ANKRD18A: variants seen among roughly 807,000 people sequenced by gnomAD.
The protein encoded by ANKRD18A is ankyrin repeat domain-containing protein 18A.
Under a neutral mutation model 110.6 loss-of-function variants are expected in ANKRD18A, and 72 were observed. That is an observed-to-expected ratio of 0.65 (90% CI 0.54 to 0.79). The LOEUF is 0.79. Among genes scored for constraint, ANKRD18A ranks in the 30% least tolerant of loss-of-function variants. The pLI, the probability that ANKRD18A is intolerant of heterozygous loss-of-function variation, is 0.00. For synonymous variants in ANKRD18A, 305 were observed against 410.3 expected, an observed-to-expected ratio of 0.74 and a Z score of 3.10; for missense variants, 934 against 1,163.3, an observed-to-expected ratio of 0.80 and a Z score of 2.87.
At chr9:38,569,347 C>A, downstream of ANKRD18A, 1 of 985,026 alleles carries the variant, frequency 1.0e-6, no homozygotes, top group Middle Eastern at 5.2e-4. Context: ...ACCACCCACC[C>A]GATAGCGACT....
chr9:38,581,020 A>C (rs2118681389), intron 12 of ANKRD18A, among the ~76,000 whole-genome samples: 1 of 152,326 alleles, frequency 6.6e-6, no homozygotes, highest in South Asian at 2.1e-4. Flanking sequence ...CAGATGATTC[A>C]ATTTCTCCAA....
chr9:38,607,265 C>T (rs1001571960), intron 6 of ANKRD18A, among the ~76,000 whole-genome samples, 161 bp downstream of exon 6: 1 of 152,150 alleles, frequency 6.6e-6, no homozygotes, highest in African/African-American at 2.4e-5. Flanking sequence ...CCATGTTAGC[C>T]AGGCTGGTCT....
At chr9:38,597,538 A>G (rs1437979435) in intron 8 of ANKRD18A, among the ~76,000 whole-genome samples, 1 of 152,146 alleles carries the variant, frequency 6.6e-6, no homozygotes, top group Non-Finnish European at 1.5e-5. Flanking sequence ...AATATTAAGT[A>G]ACTCACCCAA....
chr9:38,598,292 C>T (rs1457998661), intron 8 of ANKRD18A, among the ~76,000 whole-genome samples: 1 of 152,104 alleles, frequency 6.6e-6, no homozygotes, highest in African/African-American at 2.4e-5. Flanking sequence ...AATAATTTTC[C>T]CAGCCCATAT....
intron 12 of ANKRD18A, among the ~76,000 whole-genome samples, chr9:38,581,642 G>A (rs1824168787): frequency 6.6e-6 from 1 of 152,168 alleles, no homozygotes; most frequent in African/African-American, 2.4e-5. Context: ...TACTTTGAGT[G>A]TTAAGACATC....
At chr9:38,583,610 G>T (rs149043751) in intron 12 of ANKRD18A, among the ~76,000 whole-genome samples, 8,819 of 152,096 alleles carry the variant, frequency 0.058, 265 homozygotes, top group Non-Finnish European at 0.074. Flanking sequence ...GGATGCTCTC[G>T]AACTCCTGAC....
chr9:38,569,372 AG>A, downstream of ANKRD18A: 3 of 985,390 alleles, frequency 3.0e-6, no homozygotes, highest in Non-Finnish European at 3.6e-6. Context: ...CCAAGCCAGG[AG>A]GAAGAGAAGA....
intron 5 of ANKRD18A, among the ~76,000 whole-genome samples, chr9:38,609,840 T>C (rs1210876647): frequency 6.7e-6 from 1 of 148,764 alleles, no homozygotes; most frequent in East Asian, 2.0e-4. Context: ...AATAACTAAT[T>C]AGAAAAGTCA....
intron 3 of ANKRD18A, among the ~76,000 whole-genome samples, chr9:38,611,693 T>C (rs1169060259): frequency 1.3e-5 from 2 of 152,146 alleles, no homozygotes; most frequent in Non-Finnish European, 2.9e-5. Context: ...TAAGACATAG[T>C]AGCGAATGCT....
intron 7 of ANKRD18A, among the ~76,000 whole-genome samples, chr9:38,602,444 G>A (rs958465390): frequency 6.6e-6 from 1 of 152,190 alleles, no homozygotes; most frequent in Non-Finnish European, 1.5e-5. Flanking sequence ...TTGTTTACAT[G>A]AGAAGGATGG....
intron 3 of ANKRD18A, 105 bp downstream of exon 3, chr9:38,615,489 G>T: frequency 2.2e-6 from 3 of 1,391,008 alleles, no homozygotes; most frequent in South Asian, 1.6e-5. Context: ...ATTATTTCAA[G>T]ACATTTTCAT....
chr9:38,591,998 G>C (rs1251317604), intron 10 of ANKRD18A, among the ~76,000 whole-genome samples: 1 of 152,206 alleles, frequency 6.6e-6, no homozygotes, highest in Non-Finnish European at 1.5e-5. Context: ...GCTGCAGCCA[G>C]AACTATTCAG....
rs1221905213 is a variant in ANKRD18A, at chr9:38,575,717, C to T, written c.2742-19G>A. ...ATCCGATCTGTAAAGAGAGCAAAGA[C>T]AAATGCTTAGTATTTCATTTTTCCT... On this transcript the variant is annotated intron_variant, in intron 14 of 15. Coordinates refer to ENST00000399703, the MANE Select transcript of ANKRD18A (RefSeq NM_147195.4). 18 of 1,530,366 alleles carry T rather than the reference C, an allele frequency of 1.2e-5. No individual in the cohort carries two copies. Among genetic ancestry groups the T allele is most frequent in the Non-Finnish European group, 1.1e-5 (13 of 1,137,578 alleles). 94.8% of individuals were successfully genotyped at this position (1,530,366 alleles called of 1,614,324 possible). A position where few individuals can be genotyped will look rare whatever the true frequency, so the allele number is the denominator to read the frequency against.
chr9:38,600,756 T>C (rs1344490507), intron 8 of ANKRD18A, among the ~76,000 whole-genome samples: 1 of 152,198 alleles, frequency 6.6e-6, no homozygotes, highest in Non-Finnish European at 1.5e-5. Context: ...GAATGATGAC[T>C]CCTTTCACAT....
At chr9:38,576,779 A>T (rs1390768899) in intron 14 of ANKRD18A, among the ~76,000 whole-genome samples, 1 of 152,230 alleles carries the variant, frequency 6.6e-6, no homozygotes, top group African/African-American at 2.4e-5. Context: ...CTTCAAAAAT[A>T]CTTAGTGAAA....
At chr9:38,605,905 C>A (rs941228413) in intron 6 of ANKRD18A, among the ~76,000 whole-genome samples, 1 of 152,028 alleles carries the variant, frequency 6.6e-6, no homozygotes, top group African/African-American at 2.4e-5. Context: ...GCCACCACGC[C>A]CAGCCTGGTA....
At chr9:38,569,730 C>T (rs1011670110), downstream of ANKRD18A, among the ~76,000 whole-genome samples, 13 of 152,154 alleles carry the variant, frequency 8.5e-5, no homozygotes, top group African/African-American at 3.1e-4. Context: ...CTCACAGGTG[C>T]ACCCAGGTCC....
downstream of ANKRD18A, chr9:38,568,404 G>A (rs1168567900): frequency 6.6e-6 from 1 of 152,024 alleles, no homozygotes; most frequent in Non-Finnish European, 1.5e-5. Context: ...CTGCAAGGGT[G>A]TGCCAGGAGC....
chr9:38,603,231 T>C lies in ANKRD18A; in HGVS notation c.809-19A>G. 6.4e-7 allele frequency: 1 copy of C among 1,550,874 alleles called. No individual in the cohort carries two copies. The highest frequency in any genetic ancestry group is 8.7e-7 in the Non-Finnish European group (1 of 1,146,528). ...GCTGTTTCTGTCAAACATGCAAACT[T>C]GTTAGATATTCCTTCTGGAAAACAT... On this transcript the variant is annotated intron_variant, in intron 6 of 15. Transcript: ENST00000399703.
Sources: gnomAD v4.1 joint callset for allele counts (sites outside exome capture counted in the v4.1 genomes callset) on GRCh38, gnomAD v4.1.1 for gene constraint, MANE v1.5 for transcripts, NCBI Gene and HGNC (gene_info 2026-07-23, HGNC 2026-07-21) for gene names.